Variants in RGS8 observed in about 807,000 individuals in gnomAD.
The protein encoded by RGS8 is regulator of G protein signaling 8, also known as regulator of G-protein signaling 8.
RGS8 carries 8 observed loss-of-function variants against 21.7 expected under a neutral mutation model. The ratio of observed to expected loss-of-function variants is 0.37; its 90% CI spans 0.22 to 0.66. RGS8 has a LOEUF of 0.66. Ranked by LOEUF, RGS8 falls within the 30% of genes least tolerant of loss-of-function variation. RGS8 has a pLI of 0.59. For missense variants in RGS8, 157 were observed against 217.9 expected (o/e 0.72, Z 1.76); for synonymous variants, 80 against 83.6 (o/e 0.96, Z 0.24).
At chr1:182,738,265 A>G in the RGS8 span, among the ~76,000 whole-genome samples, 3 of 152,212 alleles carry the variant, frequency 2.0e-5, no homozygotes, top group Non-Finnish European at 2.9e-5. Context: ...AACCTTGAAC[A>G]GTTGTTTAAC....
intron 1 of RGS8, among the ~76,000 whole-genome samples, chr1:182,680,622 G>GTTCA (rs71297858): frequency 5.2e-4 from 79 of 150,972 alleles, no homozygotes; most frequent in East Asian, 2.0e-3. Context: ...GAAAGCATGG[G>GTTCA]TTCATTCATT....
At chr1:182,649,904 T>C (rs1396755866) in intron 5 of RGS8, among the ~76,000 whole-genome samples, 1 of 146,344 alleles carries the variant, frequency 6.8e-6, no homozygotes, top group Non-Finnish European at 1.5e-5. Flanking sequence ...TGTTAACAAC[T>C]CTTTTTTTTT....
the RGS8 span, among the ~76,000 whole-genome samples, chr1:182,752,287 A>T: frequency 6.6e-6 from 1 of 152,152 alleles, no homozygotes; most frequent in African/African-American, 2.4e-5. Context: ...CGGCACATCA[A>T]CCGGTCCTGC....
chr1:182,721,016 C>T, the RGS8 span, among the ~76,000 whole-genome samples: 20 of 80,050 alleles, frequency 2.5e-4, 2 homozygotes, highest in East Asian at 2.2e-3. Context: ...TACATATATA[C>T]ACATATATAT....
chr1:182,710,029 A>AAG, the RGS8 span, among the ~76,000 whole-genome samples: 2 of 152,006 alleles, frequency 1.3e-5, no homozygotes, highest in Middle Eastern at 3.2e-3. Context: ...TCACATTTCT[A>AAG]AGAGAGAGAG....
At chr1:182,647,906 G>A (rs1038342766) in intron 6 of RGS8, among the ~76,000 whole-genome samples, 1 of 152,216 alleles carries the variant, frequency 6.6e-6, no homozygotes, top group African/African-American at 2.4e-5. Flanking sequence ...GTTCCTGCTA[G>A]CACATGTTTA....
At chr1:182,714,158 A>G in the RGS8 span, among the ~76,000 whole-genome samples, 1 of 152,176 alleles carries the variant, frequency 6.6e-6, no homozygotes, top group Non-Finnish European at 1.5e-5. Flanking sequence ...CTTAAATGTC[A>G]TATCCTCAGA....
the RGS8 span, among the ~76,000 whole-genome samples, chr1:182,695,790 G>A: frequency 6.6e-6 from 1 of 152,196 alleles, no homozygotes; most frequent in Non-Finnish European, 1.5e-5. Flanking sequence ...AGTCTTTAGA[G>A]AGGAGAGATT....
At chr1:182,716,655 C>T in the RGS8 span, among the ~76,000 whole-genome samples, 1 of 151,956 alleles carries the variant, frequency 6.6e-6, no homozygotes, top group Non-Finnish European at 1.5e-5. Context: ...AGAAATTGCC[C>T]ATAGTCATAC....
At chr1:182,691,857 T>C in the RGS8 span, among the ~76,000 whole-genome samples, 1 of 152,098 alleles carries the variant, frequency 6.6e-6, no homozygotes, top group African/African-American at 2.4e-5. Context: ...GGCATCCAAA[T>C]AGAAATAGAG....
the RGS8 span, among the ~76,000 whole-genome samples, chr1:182,694,143 A>C: frequency 2.0e-5 from 3 of 152,190 alleles, no homozygotes; most frequent in Non-Finnish European, 2.9e-5. Flanking sequence ...GAAAGAAAAA[A>C]AAAAAAGAAA....
At chr1:182,681,292 G>T (rs564756673) in intron 1 of RGS8, among the ~76,000 whole-genome samples, 5 of 152,236 alleles carry the variant, frequency 3.3e-5, no homozygotes, top group Admixed American at 3.3e-4. Flanking sequence ...CCCTCCTATC[G>T]CTCAGTGCCA....
chr1:182,672,438 A>C (rs536454445), upstream of RGS8, among the ~76,000 whole-genome samples: 26 of 152,180 alleles, frequency 1.7e-4, no homozygotes, highest in African/African-American at 6.3e-4. Flanking sequence ...GTGCTGCACT[A>C]CCAAGCCAAA....
chr1:182,736,247 T>C, the RGS8 span, among the ~76,000 whole-genome samples: 2 of 152,202 alleles, frequency 1.3e-5, no homozygotes, highest in Non-Finnish European at 2.9e-5. Context: ...TTACCACTAA[T>C]TAGGAAATAC....
At chr1:182,665,775 C>G (rs1279450985) in intron 5 of RGS8, among the ~76,000 whole-genome samples, 194 bp downstream of exon 6, 1 of 151,986 alleles carries the variant, frequency 6.6e-6, no homozygotes, top group African/African-American at 2.4e-5. Flanking sequence ...GAAAAGGAGG[C>G]CCTCATCTCA....
chr1:182,717,903 T>A, the RGS8 span, among the ~76,000 whole-genome samples: 1 of 152,198 alleles, frequency 6.6e-6, no homozygotes, highest in African/African-American at 2.4e-5. Context: ...GACAAGTTCA[T>A]CTCTTTTTCC....
intron 5 of RGS8, among the ~76,000 whole-genome samples, chr1:182,651,876 T>C (rs1663035445): frequency 6.6e-6 from 1 of 152,188 alleles, no homozygotes; most frequent in African/African-American, 2.4e-5. Context: ...GGAGACCCAG[T>C]GCCCTTGAGA....
chr1:182,733,237 A>G, the RGS8 span, among the ~76,000 whole-genome samples: 1 of 152,210 alleles, frequency 6.6e-6, no homozygotes, highest in African/African-American at 2.4e-5. Context: ...ACAATTTTGC[A>G]GCAAGATTAT....
upstream of RGS8, chr1:182,672,325 G>A (rs1664209700): frequency 5.5e-6 from 1 of 180,358 alleles, no homozygotes; most frequent in South Asian, 1.3e-4. Flanking sequence ...GAGGAGGGGG[G>A]CTGTCTTGCT....
Sources: gnomAD v4.1 joint callset for allele counts (sites outside exome capture counted in the v4.1 genomes callset) on GRCh38, gnomAD v4.1.1 for gene constraint, MANE v1.5 for transcripts, NCBI Gene and HGNC (gene_info 2026-07-23, HGNC 2026-07-21) for gene names.